CD226: variants seen among roughly 807,000 people sequenced by gnomAD.
The protein encoded by CD226 is CD226 antigen.
In CD226, 24 loss-of-function variants were observed where a neutral mutation model predicts 34.9. That is an observed-to-expected ratio of 0.69 (90% confidence interval 0.50 to 0.97). CD226 has a LOEUF of 0.97. CD226 is among the 50% of genes least tolerant of loss of function. The pLI is 0.00. For synonymous variants in CD226, 148 were observed against 147.4 expected, an observed-to-expected ratio of 1.00 and a Z score of -0.03; for missense variants, 397 against 412.7, an observed-to-expected ratio of 0.96 and a Z score of 0.33.
At chr18:69,960,936 T>C (rs2055926796), upstream of CD226, among the ~76,000 whole-genome samples, 1 of 152,226 alleles carries the variant, frequency 6.6e-6, no homozygotes, top group African/African-American at 2.4e-5. Context: ...ATTTAACATA[T>C]TCTGGAGGTT....
intron 3 of CD226, among the ~76,000 whole-genome samples, chr18:69,889,802 T>A (rs1261537274): frequency 6.6e-6 from 1 of 152,170 alleles, no homozygotes; most frequent in African/African-American, 2.4e-5. Context: ...CCTCACATCG[T>A]CCCAGAGGAA....
chr18:69,948,264 A>T (rs940768913), upstream of CD226, among the ~76,000 whole-genome samples: 10 of 152,216 alleles, frequency 6.6e-5, no homozygotes, highest in Admixed American at 2.0e-4. Context: ...ACAAGTTCCA[A>T]TTCTTAAGAA....
intron 2 of CD226, among the ~76,000 whole-genome samples, chr18:69,924,644 T>C (rs1208825191): frequency 1.9e-5 from 2 of 102,738 alleles, no homozygotes; most frequent in Non-Finnish European, 3.8e-5. Flanking sequence ...AAACCCCTTA[T>C]GGCTGAACTG....
chr18:69,941,586 T>A (rs547234699), intron 2 of CD226, among the ~76,000 whole-genome samples: 4 of 152,218 alleles, frequency 2.6e-5, no homozygotes, highest in Non-Finnish European at 4.4e-5. Flanking sequence ...CCCCTTTGTT[T>A]TGGCCAATTT....
At chr18:69,917,560 C>T (rs141555708) in intron 2 of CD226, among the ~76,000 whole-genome samples, 1 of 152,296 alleles carries the variant, frequency 6.6e-6, no homozygotes, top group East Asian at 1.9e-4. Context: ...CTAAGATATG[C>T]CTCTTGTGCA....
In CD226 at chr18:69,857,572, CAT is replaced by C. The variant is rs1010944811; in HGVS notation, c.*6740_*6741del. On this transcript the variant is annotated 3_prime_UTR_variant, in exon 6 of 6. Transcript: ENST00000582621. ...TCTTAAGAATGCATTTTCATAAAAA[CAT>C]AAAATCAGTTGAGATTATGTAAATT... is the stretch of plus-strand genomic sequence containing the variant. The C allele has an allele frequency of 3.9e-5, 6 of 152,144 alleles. No homozygotes were observed. Among genetic ancestry groups the C allele is most frequent in the African/African-American group, 1.4e-4 (6 of 41,442 alleles). 9.4% of individuals were successfully genotyped at this position (152,144 alleles called of 1,614,324 possible). A position where few individuals can be genotyped will look rare whatever the true frequency, so the allele number is the denominator to read the frequency against.
chr18:69,883,308 G>A (rs1444552363), intron 3 of CD226, among the ~76,000 whole-genome samples: 1 of 152,096 alleles, frequency 6.6e-6, no homozygotes, highest in Non-Finnish European at 1.5e-5. Context: ...CTAGAAAAAT[G>A]GCAAAAAATA....
intron 3 of CD226, among the ~76,000 whole-genome samples, chr18:69,879,552 G>GC (rs1984087656): frequency 6.6e-6 from 1 of 151,648 alleles, no homozygotes; most frequent in South Asian, 2.1e-4. Context: ...CTTGTTCTCT[G>GC]AAAATCACAG....
chr18:69,908,276 T>A (rs932371119), intron 2 of CD226, among the ~76,000 whole-genome samples: 2 of 152,270 alleles, frequency 1.3e-5, no homozygotes, highest in Admixed American at 1.3e-4. Context: ...AAATAATTTC[T>A]AAAATATTTG....
At chr18:69,960,901 A>G (rs2055926627), upstream of CD226, among the ~76,000 whole-genome samples, 1 of 152,256 alleles carries the variant, frequency 6.6e-6, no homozygotes, top group South Asian at 2.1e-4. Flanking sequence ...GAAATAAGAC[A>G]AGGATGGCCA....
At chr18:69,954,564 C>T (rs187281133) in intron 1 of CD226, among the ~76,000 whole-genome samples, 6 of 151,884 alleles carry the variant, frequency 4.0e-5, no homozygotes, top group East Asian at 1.9e-4. Context: ...CATCCACTCT[C>T]GGTGGTTTCT....
At chr18:69,884,147 G>A (rs573641178) in intron 3 of CD226, among the ~76,000 whole-genome samples, 29 of 152,116 alleles carry the variant, frequency 1.9e-4, no homozygotes, top group Admixed American at 1.0e-3. Flanking sequence ...CAGGCAGGCC[G>A]TCCTAAGGAC....
upstream of CD226, among the ~76,000 whole-genome samples, chr18:69,957,979 C>A (rs2055910266): frequency 6.6e-6 from 1 of 152,192 alleles, no homozygotes; most frequent in Non-Finnish European, 1.5e-5. Flanking sequence ...ATCCAACTTA[C>A]ATTGTGTAAT....
chr18:69,948,524 T>G (rs963878718), upstream of CD226, among the ~76,000 whole-genome samples: 23 of 152,196 alleles, frequency 1.5e-4, no homozygotes, highest in African/African-American at 5.3e-4. Flanking sequence ...TGTCGACTAC[T>G]CAGCATGAAT....
Position 69,858,314 on chromosome 18 carries a change from C to T in CD226, c.*6000G>A, listed in dbSNP as rs1419097218. ...GCCTTTAAGAAAACTATCATCTGGTCGAGGAGGGACATTTGTCAGTTGAAG... is the reference window on the plus strand; with the variant it reads ...GCCTTTAAGAAAACTATCATCTGGTTGAGGAGGGACATTTGTCAGTTGAAG... On this transcript the variant is annotated 3_prime_UTR_variant, in exon 6 of 6. Transcript: ENST00000582621. 1.3e-5 allele frequency: 2 copies of T among 152,008 alleles called. No homozygotes were observed. The highest frequency in any genetic ancestry group is 2.4e-5 in the African/African-American group (1 of 41,368). 9.4% of individuals were successfully genotyped at this position (152,008 alleles called of 1,614,324 possible). A position where few individuals can be genotyped will look rare whatever the true frequency, so the allele number is the denominator to read the frequency against.
At chr18:69,909,270 G>A (rs2055295031) in intron 2 of CD226, among the ~76,000 whole-genome samples, 1 of 152,170 alleles carries the variant, frequency 6.6e-6, no homozygotes, top group Non-Finnish European at 1.5e-5. Flanking sequence ...TAAATTTAGT[G>A]AATGATACCA....
chr18:69,895,536 C>T (rs530690734), intron 3 of CD226, among the ~76,000 whole-genome samples, 165 bp downstream of exon 3: 1 of 152,064 alleles, frequency 6.6e-6, no homozygotes, highest in East Asian at 1.9e-4. Context: ...GATAAAGAAA[C>T]CCTCAATACT....
At position 69,879,051 on chromosome 18, in the gene CD226, A is replaced by G. The variant is rs995346370; in HGVS notation, c.728-5805T>C. The stretch of plus-strand genomic sequence containing the variant: ...AGCAAGTTTTTATTAGCAATTTTCA[A>G]AGGGGAGGGAGTGTATGAATAGGGT... On this transcript the variant is annotated intron_variant, in intron 3 of 5. Coordinates refer to ENST00000582621, the MANE Select transcript of CD226 (RefSeq NM_001303618.2). Among the ~76,000 whole-genome samples, 10 of 152,228 alleles carry G rather than the reference A, an allele frequency of 6.6e-5. 1 individual carries two copies. The East Asian group carries it at 7.7e-4, about 12-fold the overall frequency.
intron 2 of CD226, among the ~76,000 whole-genome samples, chr18:69,911,768 A>G (rs945848216): frequency 3.9e-5 from 6 of 152,222 alleles, no homozygotes; most frequent in Admixed American, 3.9e-4. Flanking sequence ...ATACTTTGGT[A>G]TACATTTTTA....
Sources: allele counts gnomAD v4.1 joint callset (sites outside exome capture counted in the v4.1 genomes callset), GRCh38; gene constraint gnomAD v4.1.1; transcripts MANE v1.5; gene names NCBI Gene and HGNC (gene_info 2026-07-23, HGNC 2026-07-21).